FRK: variants seen among roughly 807,000 people sequenced by gnomAD.
The protein encoded by FRK is fyn related Src family tyrosine kinase.
FRK carries 51 observed loss-of-function variants against 56.4 expected under a neutral mutation model. That is an observed-to-expected ratio of 0.90 (90% CI 0.72 to 1.14). The LOEUF is 1.14. Ranked by LOEUF, FRK falls within the 50% of genes most tolerant of loss-of-function variation. The pLI, the probability that FRK is intolerant of heterozygous loss-of-function variation, is 0.00. For synonymous variants in FRK, 245 were observed against 217.9 expected, an observed-to-expected ratio of 1.12 and a Z score of -1.10; for missense variants, 570 against 601.4, an observed-to-expected ratio of 0.95 and a Z score of 0.55.
chr6:115,979,857 T>C (rs1441471947), intron 2 of FRK, among the ~76,000 whole-genome samples: 1 of 152,264 alleles, frequency 6.6e-6, no homozygotes, highest in East Asian at 1.9e-4. Context: ...CCACAGAGCT[T>C]AAGTGTGTAG....
chr6:116,036,896 T>C (rs906198785), intron 1 of FRK, among the ~76,000 whole-genome samples: 3 of 152,176 alleles, frequency 2.0e-5, no homozygotes, highest in South Asian at 2.1e-4. Context: ...CAATTATGTA[T>C]TCCTTTAACT....
chr6:115,996,576 T>G (rs565673740), intron 2 of FRK, among the ~76,000 whole-genome samples: 129 of 152,270 alleles, frequency 8.5e-4, no homozygotes, highest in Non-Finnish European at 1.0e-3. Flanking sequence ...ACACAGCAGA[T>G]AGGAGGATTA....
intron 2 of FRK, among the ~76,000 whole-genome samples, chr6:115,998,762 C>T (rs1042097191): frequency 1.3e-5 from 2 of 152,072 alleles, no homozygotes; most frequent in South Asian, 2.1e-4. Flanking sequence ...TACTGAATGC[C>T]GTTGAAGAAA....
At chr6:116,093,623 C>T in the FRK span, among the ~76,000 whole-genome samples, 2 of 152,300 alleles carry the variant, frequency 1.3e-5, no homozygotes, top group East Asian at 1.9e-4. Context: ...GTATGGATCC[C>T]CACTGGGACC....
At chr6:116,081,776 A>C in the FRK span, among the ~76,000 whole-genome samples, 24 of 152,218 alleles carry the variant, frequency 1.6e-4, no homozygotes, top group African/African-American at 5.8e-4. Context: ...AACAGCAAAT[A>C]TCTACACATT....
At chr6:116,095,799 C>T in the FRK span, among the ~76,000 whole-genome samples, 1 of 152,328 alleles carries the variant, frequency 6.6e-6, no homozygotes, top group South Asian at 2.1e-4. Flanking sequence ...CTGCCAAGGC[C>T]TAGACCTCTT....
intron 1 of FRK, chr6:116,039,245 A>T: frequency 2.7e-6 from 4 of 1,493,504 alleles, no homozygotes; most frequent in Non-Finnish European, 3.7e-6. Context: ...CTGGCCTGCG[A>T]GCCTGTGTGG....
At chr6:116,070,254 C>A in the FRK span, among the ~76,000 whole-genome samples, 1 of 151,970 alleles carries the variant, frequency 6.6e-6, no homozygotes, top group Non-Finnish European at 1.5e-5. Context: ...ACAGCTGCTT[C>A]TTCTCAAAAA....
chr6:116,059,384 G>C lies in FRK; in HGVS notation c.344+584C>G, dbSNP rs572191925. ...ACCAAAAGATATCATAATTTGGGTA[G>C]CATATCTCAGGATCTGGGAATTAAA... On this transcript the variant is annotated intron_variant, in intron 1 of 7. Coordinates refer to ENST00000606080, the MANE Select transcript of FRK (RefSeq NM_002031.3). Among the ~76,000 whole-genome samples, 29 of 152,134 alleles carry C rather than the reference G, an allele frequency of 1.9e-4. No individual in the cohort carries two copies. In the East Asian group the frequency reaches 5.6e-3, roughly 29 times the overall value.
At chr6:116,049,808 C>T (rs1292939389) in intron 1 of FRK, among the ~76,000 whole-genome samples, 1 of 152,074 alleles carries the variant, frequency 6.6e-6, no homozygotes, top group Non-Finnish European at 1.5e-5. Context: ...CTGACCATTG[C>T]TCTACTAACA....
intron 2 of FRK, among the ~76,000 whole-genome samples, chr6:115,987,900 T>C (rs1032327692): frequency 6.6e-6 from 1 of 152,084 alleles, no homozygotes; most frequent in African/African-American, 2.4e-5. Context: ...GAAAGTATAA[T>C]TTTTGCTTAT....
At chr6:116,095,332 G>T in the FRK span, among the ~76,000 whole-genome samples, 1 of 152,214 alleles carries the variant, frequency 6.6e-6, no homozygotes, top group South Asian at 2.1e-4. Flanking sequence ...CATGGGAGTT[G>T]CTTGCACTCA....
intron 1 of FRK, among the ~76,000 whole-genome samples, chr6:116,031,963 CAG>C (rs1330102902): frequency 6.6e-6 from 1 of 152,062 alleles, no homozygotes; most frequent in Non-Finnish European, 1.5e-5. Context: ...TTCATTCTAA[CAG>C]ACTGTCACCA....
Position 115,992,227 on chromosome 6 carries a change from T to C in FRK, c.466+11650A>G, listed in dbSNP as rs147739882. 2.8e-3 allele frequency among the ~76,000 whole-genome samples: 424 copies of C among 151,842 alleles called. 11 individuals are homozygous for C. The South Asian group carries it at 0.05, about 18-fold the overall frequency. ...ACAAATTCTGTGCCACTATTTTCCA[T>C]TTGCTTTTACTCTCTACTAAGCATA... On this transcript the variant is annotated intron_variant, in intron 2 of 7. Transcript: ENST00000606080.
In FRK at chr6:115,991,516, A is replaced by G. The variant is rs147909134; in HGVS notation, c.466+12361T>C. 3.3e-3 allele frequency among the ~76,000 whole-genome samples: 502 copies of G among 151,896 alleles called. 1 individual carries two copies. Among genetic ancestry groups the G allele is most frequent in the African/African-American group, 0.011 (477 of 41,524 alleles). ...TTTATTGAATGTTTTTGCTTCATCT[A>G]TTGAGATGGTTGCATAATTTTTGTT... On this transcript the variant is annotated intron_variant, in intron 2 of 7. Transcript: ENST00000606080.
chr6:116,085,911 A>G, the FRK span, among the ~76,000 whole-genome samples: 1 of 152,270 alleles, frequency 6.6e-6, no homozygotes, highest in African/African-American at 2.4e-5. Context: ...AGAAGAGAAT[A>G]GTAGTAACAA....
intron 5 of FRK, among the ~76,000 whole-genome samples, chr6:115,946,471 A>T (rs1402537364): frequency 3.3e-5 from 5 of 152,228 alleles, no homozygotes; most frequent in African/African-American, 1.2e-4. Flanking sequence ...AATCCTATCT[A>T]TTATTATCAT....
intron 2 of FRK, among the ~76,000 whole-genome samples, chr6:115,976,819 A>G (rs1184306594): frequency 6.6e-6 from 1 of 152,144 alleles, no homozygotes; most frequent in Non-Finnish European, 1.5e-5. Flanking sequence ...ACAAAGGATG[A>G]TAGATATTTC....
chr6:116,003,633 C>A (rs918188504), intron 2 of FRK, among the ~76,000 whole-genome samples: 1 of 152,110 alleles, frequency 6.6e-6, no homozygotes, highest in Non-Finnish European at 1.5e-5. Flanking sequence ...GTCAGCAGAT[C>A]CATGTTCTCC....
Sources: gnomAD v4.1 joint callset for allele counts (sites outside exome capture counted in the v4.1 genomes callset) on GRCh38, gnomAD v4.1.1 for gene constraint, MANE v1.5 for transcripts, NCBI Gene and HGNC (gene_info 2026-07-23, HGNC 2026-07-21) for gene names.